STAB1: variants seen among roughly 807,000 people sequenced by gnomAD.
STAB1 encodes stabilin 1, also known as stabilin-1.
Under a neutral mutation model 332.4 loss-of-function variants are expected in STAB1, and 250 were observed. The observed-to-expected ratio is 0.75, with a 90% CI of 0.68 to 0.84. The LOEUF (loss-of-function observed/expected upper bound fraction) is 0.84, where lower values mean the gene tolerates loss of function less well. Among genes scored for constraint, STAB1 ranks in the 40% least tolerant of loss-of-function variants. The pLI is 0.00. For missense variants in STAB1, 3,249 were observed against 3,489.7 expected, an observed-to-expected ratio of 0.93 and a Z score of 1.74; for synonymous variants, 1,475 against 1,390.4, an observed-to-expected ratio of 1.06 and a Z score of -1.35.
In STAB1 at chr3:52,516,247, T is replaced by C; in HGVS notation, c.4144+9T>C. The C allele has an allele frequency of 2.2e-5, 14 of 629,146 alleles. No homozygotes were observed. The highest frequency in any genetic ancestry group is 2.8e-5 in the Non-Finnish European group (10 of 355,680). 39.0% of individuals were successfully genotyped at this position (629,146 alleles called of 1,614,324 possible). A position where few individuals can be genotyped will look rare whatever the true frequency, so the allele number is the denominator to read the frequency against. ...GCCCAACTGCACCGGAGGTGAGGAC[T>C]GGGGAGGGGCGGGGGTGGGCCTCCT... On this transcript the variant is annotated intron_variant, in intron 38 of 68. Coordinates refer to ENST00000321725, the MANE Select transcript of STAB1 (RefSeq NM_015136.3).
intron 21 of STAB1, 73 bp from the exon 22 acceptor site, chr3:52,509,137 G>T: frequency 7.3e-7 from 1 of 1,376,514 alleles, no homozygotes. Context: ...CCCATGAAAG[G>T]AGGGGGTGTT....
In STAB1 at chr3:52,513,033, T is replaced by G. The variant is rs531167802; in HGVS notation, c.3158+75T>G. The G allele has an allele frequency of 6.6e-5, 104 of 1,564,288 alleles. No individual in the cohort carries two copies. The African/African-American group carries it at 1.3e-3, about 19-fold the overall frequency. ...GTCCCTCCCCAGCGAGTCCTCAGCC[T>G]GGCAGGCACTCACCCCTTGGGGTGG... On this transcript the variant is annotated intron_variant, in intron 29 of 68. Coordinates refer to ENST00000321725, the MANE Select transcript of STAB1 (RefSeq NM_015136.3).
rs763625897 is a variant in STAB1, at chr3:52,505,022, A to G, written c.1397A>G (p.Lys466Arg). ...NQFTKYSYKY[K>R]DQPQQTFNIY... is the part of the protein sequence containing the mutation. ...CACCAGAAATACTCCTACAAGTACA[A>G]AGACCAGCCCCAGCAGACGTTCAAC... is the stretch of plus-strand genomic sequence containing the variant. The change falls in exon 13 of 69, where the codon AAA (lysine) becomes AGA (arginine). Residue 466 changes from lysine to arginine, a missense_variant. By Grantham distance (26) the Lys-to-Arg change is conservative (BLOSUM62 2). Transcript: ENST00000321725. The G allele has an allele frequency of 2.7e-5, 44 of 1,613,676 alleles. No individual in the cohort carries two copies. Among genetic ancestry groups the G allele is most frequent in the Non-Finnish European group, 3.6e-5 (43 of 1,179,994 alleles).
In STAB1 at chr3:52,515,031, G is replaced by A; in HGVS notation, c.3850G>A (p.Gly1284Ser). Residue 1284 changes from glycine to serine, a missense_variant, in exon 36 of 69, where the codon GGC becomes AGC. Gly to Ser is a moderately conservative substitution (Grantham distance 56, BLOSUM62 0). Coordinates refer to ENST00000321725, the MANE Select transcript of STAB1 (RefSeq NM_015136.3). ...NCTRRFRCTQ[G>S]FQLQDTPRKS... is the part of the protein sequence containing the mutation. ...CACCAGGAGATTCCGCTGCACTCAG[G>A]GCTTCCAGCTGCAGGTGAGACTGGG... 6.2e-7 allele frequency: 1 copy of A among 1,613,492 alleles called. No homozygotes were observed. Among genetic ancestry groups the A allele is most frequent in the Non-Finnish European group, 8.5e-7 (1 of 1,180,000 alleles).
chr3:52,506,929 A>C (rs1708921858), intron 18 of STAB1, 79 bp downstream of exon 18: 1 of 1,565,706 alleles, frequency 6.4e-7, no homozygotes, highest in African/African-American at 1.3e-5. Flanking sequence ...TCCCAGGGAG[A>C]GGCGCTAAGT....
intron 66 of STAB1, 54 bp from the exon 67 acceptor site, chr3:52,523,817 G>C: frequency 6.3e-7 from 1 of 1,583,336 alleles, no homozygotes; most frequent in Non-Finnish European, 8.6e-7. Context: ...GTGAGCCCGG[G>C]GAAGGTGGTG....
At position 52,505,302 on chromosome 3, in the gene STAB1, C is replaced by G. The variant is rs750289548; in HGVS notation, c.1519-17C>G. 1.4e-5 allele frequency: 23 copies of G among 1,613,452 alleles called. No individual in the cohort carries two copies. The highest frequency in any genetic ancestry group is 1.6e-4 in the Middle Eastern group (1 of 6,062). On this transcript the variant is annotated splice_polypyrimidine_tract_variant and intron_variant, in intron 13 of 68. Coordinates refer to ENST00000321725, the MANE Select transcript of STAB1 (RefSeq NM_015136.3). ...TCACCCCTTCCCTGGGGCCCTCACA[C>G]TCATCCCTCCTTACAGAGAACTATC...
At position 52,518,147 on chromosome 3, in the gene STAB1, G is replaced by A. The variant is rs776067428; in HGVS notation, c.4761+144G>A. 3.2e-4 allele frequency: 474 copies of A among 1,487,428 alleles called. 2 individuals are homozygous for A. The highest frequency in any genetic ancestry group is 7.0e-4 in the Middle Eastern group (3 of 4,274). The allele number at this position is 1,487,428 out of a possible 1,614,324, so 92.1% of individuals were successfully genotyped here. A position where few individuals can be genotyped will look rare whatever the true frequency, so the allele number is the denominator to read the frequency against. ...CTGACCCCTGATTGTACCTGGGCCT[G>A]ACCCCAGCTATGACCCATGAAACTA... On this transcript the variant is annotated intron_variant, in intron 45 of 68. Transcript: ENST00000321725.
Position 52,524,393 on chromosome 3 carries a change from G to A in STAB1, c.*37G>A. On this transcript the variant is annotated 3_prime_UTR_variant, in exon 69 of 69. Transcript: ENST00000321725. ...CTGAAAGCAGAAGCATGCACAGGGA[G>A]GAGACCACTTTTATTGCTTGTCTGG... is the stretch of plus-strand genomic sequence containing the variant. The A allele has an allele frequency of 1.2e-6, 2 of 1,613,080 alleles. No homozygotes were observed. Among genetic ancestry groups the A allele is most frequent in the Non-Finnish European group, 1.7e-6 (2 of 1,179,688 alleles).
chr3:52,516,967 T>C lies in STAB1; in HGVS notation c.4364-17T>C, dbSNP rs1392031813. ...CCCGTGCCTGCTCCTGAGGACTCTC[T>C]GGCCATCTCCCCTTAGAGGTGGACC... On this transcript the variant is annotated splice_polypyrimidine_tract_variant and intron_variant, in intron 41 of 68. Coordinates refer to ENST00000321725, the MANE Select transcript of STAB1 (RefSeq NM_015136.3). 3 of 1,610,300 alleles carry C rather than the reference T, an allele frequency of 1.9e-6. No homozygotes were observed. Among genetic ancestry groups the C allele is most frequent in the Non-Finnish European group, 2.5e-6 (3 of 1,179,192 alleles).
chr3:52,507,016 C>A (rs1193254362), intron 18 of STAB1, among the ~76,000 whole-genome samples, 166 bp downstream of exon 18: 1 of 152,218 alleles, frequency 6.6e-6, no homozygotes, highest in African/African-American at 2.4e-5. Flanking sequence ...CCCACGCTCA[C>A]CCTCACCAGG....
chr3:52,524,283 C>T lies in STAB1; in HGVS notation c.7657-17C>T, dbSNP rs1465488143. ...AGGCCCTGGTCACACCCTCCACCACCAACCCTGCTCTTCTAGGACTCACTG... is the reference window on the plus strand; with the variant it reads ...AGGCCCTGGTCACACCCTCCACCACTAACCCTGCTCTTCTAGGACTCACTG... On this transcript the variant is annotated splice_polypyrimidine_tract_variant and intron_variant, in intron 68 of 68. Coordinates refer to ENST00000321725, the MANE Select transcript of STAB1 (RefSeq NM_015136.3). 1.2e-6 allele frequency: 2 copies of T among 1,613,912 alleles called. No individual in the cohort carries two copies. Among genetic ancestry groups the T allele is most frequent in the Admixed American group, 3.3e-5 (2 of 60,034 alleles).
chr3:52,502,948 T>A (rs1379213233), intron 6 of STAB1, 51 bp from the exon 7 acceptor site: 1 of 1,463,526 alleles, frequency 6.8e-7, no homozygotes. Context: ...GCCCCTGTGT[T>A]CCTCCCCAGC....
chr3:52,517,086 TG>T lies in STAB1; in HGVS notation c.4469del (p.Gly1490AlafsTer101). ...ACATGCACCTGCCAGGATGGCTACATGGGCGACGGGGAGCTGTGCCAGGGTG... is the reference window on the plus strand; with the variant it reads ...ACATGCACCTGCCAGGATGGCTACATGGCGACGGGGAGCTGTGCCAGGGTG... ...QRTCTCQDGY[M>X]GDGELCQEIN... On this transcript the variant is annotated frameshift_variant, in exon 42 of 69. Coordinates refer to ENST00000321725, the MANE Select transcript of STAB1 (RefSeq NM_015136.3). LOFTEE classifies it high-confidence loss of function. 1.3e-6 allele frequency: 2 copies of T among 1,575,682 alleles called. No individual in the cohort carries two copies. Among genetic ancestry groups the T allele is most frequent in the South Asian group, 2.3e-5 (2 of 85,156 alleles).
chr3:52,516,175 G>C lies in STAB1; in HGVS notation c.4081G>C (p.Gly1361Arg), dbSNP rs751732385. 51 of 1,612,466 alleles carry C rather than the reference G, an allele frequency of 3.2e-5. 1 individual carries two copies. The highest frequency in any genetic ancestry group is 2.2e-4 in the Admixed American group (13 of 59,960). The change falls in exon 38 of 69, where the codon GGC becomes CGC. Residue 1361 changes from glycine to arginine, a missense_variant. Transcript: ENST00000321725. ...CAGCGGGGAGTGCCACTGCCACGAG[G>C]GCTTCCATGGAACGGCCTGTGAGGT... is the stretch of plus-strand genomic sequence containing the variant. ...LGSGECHCHE[G>R]FHGTACEVCE...
chr3:52,504,189 C>G lies in STAB1; in HGVS notation c.1150+34C>G, dbSNP rs112969136. ...CCCCACTGCTTGCCCACGACCCGAC[C>G]CCTCACCCCCAGCACAGTTGGCAGG... On this transcript the variant is annotated intron_variant, in intron 10 of 68. Coordinates refer to ENST00000321725, the MANE Select transcript of STAB1 (RefSeq NM_015136.3). 67 of 1,563,262 alleles carry G rather than the reference C, an allele frequency of 4.3e-5. 3 individuals carry two copies. Among genetic ancestry groups the G allele is most frequent in the African/African-American group, 3.6e-4 (27 of 74,052 alleles).
chr3:52,515,884 ATC>A (rs2078844299), intron 37 of STAB1, among the ~76,000 whole-genome samples, 157 bp from the exon 38 acceptor site: 1 of 151,916 alleles, frequency 6.6e-6, no homozygotes, highest in South Asian at 2.1e-4. Flanking sequence ...TTTAGGAGGT[ATC>A]TCTGTGTCTC....
intron 41 of STAB1, 29 bp from the exon 42 acceptor site, chr3:52,516,955 C>T (rs1399075755): frequency 6.8e-6 from 11 of 1,609,972 alleles, no homozygotes; most frequent in Admixed American, 5.0e-5. Context: ...GTGCCTGCTC[C>T]TGAGGACTCT....
At chr3:52,500,841 G>A (rs780288880) in intron 1 of STAB1, among the ~76,000 whole-genome samples, 1 of 152,188 alleles carries the variant, frequency 6.6e-6, no homozygotes, top group Non-Finnish European at 1.5e-5. Flanking sequence ...GGGGAGCAAC[G>A]TGGCTAGATT....
Sources: allele counts gnomAD v4.1 joint callset (sites outside exome capture counted in the v4.1 genomes callset), GRCh38; gene constraint gnomAD v4.1.1; transcripts MANE v1.5; gene names NCBI Gene and HGNC (gene_info 2026-07-23, HGNC 2026-07-21).